The following PNLDC1 variants were observed in gnomAD, a reference collection of about 807,000 sequenced individuals.
The protein encoded by PNLDC1 is PARN like ribonuclease domain containing exonuclease 1.
A neutral mutation model predicts 82.0 loss-of-function variants in PNLDC1; 70 were observed. The ratio of observed to expected loss-of-function variants is 0.85; its 90% CI spans 0.70 to 1.04. The LOEUF (loss-of-function observed/expected upper bound fraction) is 1.04, where lower values mean the gene tolerates loss of function less well. Ranked by LOEUF, PNLDC1 falls within the 50% of genes least tolerant of loss-of-function variation. The pLI, the probability that PNLDC1 is intolerant of heterozygous loss-of-function variation, is 0.00. For synonymous variants in PNLDC1, 280 were observed against 249.3 expected, an observed-to-expected ratio of 1.12 and a Z score of -1.16; for missense variants, 631 against 661.1, an observed-to-expected ratio of 0.95 and a Z score of 0.50.
intron 12 of PNLDC1, among the ~76,000 whole-genome samples, chr6:159,814,835 A>G (rs1781761958): frequency 6.6e-6 from 1 of 152,174 alleles, no homozygotes; most frequent in Admixed American, 6.5e-5. Context: ...TGAGGATTAA[A>G]TGAGTTTGTA....
rs1781565043 is a variant in PNLDC1, at chr6:159,809,277, T to C, written c.783+119T>C. 2.5e-5 allele frequency: 33 copies of C among 1,337,084 alleles called. No individual in the cohort carries two copies. The South Asian group carries it at 4.3e-4, about 17-fold the overall frequency. The allele number at this position is 1,337,084 out of a possible 1,614,324, so 82.8% of individuals were successfully genotyped here. On this transcript the variant is annotated intron_variant, in intron 9 of 18. Coordinates refer to ENST00000392167, the MANE Select transcript of PNLDC1 (RefSeq NM_001271862.2). ...CTTTGAGATAAGTGATTCCTTCTCA[T>C]GAATTTTTTCATGTTTTACTTTCAG...
intron 11 of PNLDC1, among the ~76,000 whole-genome samples, chr6:159,812,048 C>T (rs1000375524): frequency 1.3e-5 from 2 of 152,020 alleles, no homozygotes; most frequent in African/African-American, 4.8e-5. Flanking sequence ...TACAGGTGCG[C>T]ACCACCATGC....
At chr6:159,800,638 TC>T in intron 1 of PNLDC1, 133 bp from the exon 2 acceptor site, 1 of 1,598,460 alleles carries the variant, frequency 6.3e-7, no homozygotes, top group Non-Finnish European at 8.5e-7. Flanking sequence ...TCCTCCATTT[TC>T]CCTTCCTGAC....
rs372355760 is a variant in PNLDC1 at position 159,817,114 on chromosome 6, T to C, written c.1120T>C (p.Leu374=). 1.7e-5 allele frequency: 27 copies of C among 1,612,156 alleles called. No individual in the cohort carries two copies. The African/African-American group carries it at 3.5e-4, about 21-fold the overall frequency. Residue 374 remains leucine, a synonymous_variant, in exon 15 of 19, where the codon TTG becomes CTG. Transcript: ENST00000392167. The stretch of plus-strand genomic sequence containing the variant: ...CTGTCTTTTTTCCTTCCTAGTTCTT[T>C]TGAAAGTGGCACACTTGCTTCTACA... ...YDAFLCGSVL[L]KVAHLLLQKI... is the part of the protein sequence containing the mutation.
chr6:159,801,948 C>T (rs913068975), intron 3 of PNLDC1, among the ~76,000 whole-genome samples: 1 of 151,556 alleles, frequency 6.6e-6, no homozygotes, highest in Non-Finnish European at 1.5e-5. Context: ...AGTGCAGTAG[C>T]GCGATGTGGG....
chr6:159,800,418 G>C (rs753481351), intron 1 of PNLDC1, 35 bp downstream of exon 1: 3 of 1,539,780 alleles, frequency 1.9e-6, no homozygotes, highest in South Asian at 1.2e-5. Context: ...GTGCCGGACA[G>C]AGCCCCTTGC....
At chr6:159,813,678 G>A (rs1367828206) in intron 12 of PNLDC1, 22 bp downstream of exon 12, 1 of 1,611,476 alleles carries the variant, frequency 6.2e-7, no homozygotes, top group Non-Finnish European at 8.5e-7. Flanking sequence ...GATTCCTGGA[G>A]CTACTGCTGG....
intron 10 of PNLDC1, 88 bp downstream of exon 10, chr6:159,810,183 T>C (rs73026894): frequency 0.024 from 29,626 of 1,240,450 alleles, 431 homozygotes; most frequent in Middle Eastern, 0.03. Flanking sequence ...CTGAGGCAGC[T>C]CCTAAAATGC....
intron 13 of PNLDC1, 149 bp from the exon 14 acceptor site, chr6:159,816,394 C>T (rs944731993): frequency 1.3e-6 from 1 of 758,808 alleles, no homozygotes; most frequent in Non-Finnish European, 2.4e-6. Context: ...TGGGGAGGAC[C>T]AAGGTGAAGT....
intron 16 of PNLDC1, 146 bp downstream of exon 16, chr6:159,818,800 C>T (rs1342137536): frequency 6.7e-6 from 8 of 1,200,748 alleles, no homozygotes; most frequent in Non-Finnish European, 9.4e-6. Flanking sequence ...CATGTTTCTC[C>T]ACTAAAGCCA....
chr6:159,813,686 T>C, intron 12 of PNLDC1, 30 bp downstream of exon 12: 1 of 1,607,648 alleles, frequency 6.2e-7, no homozygotes, highest in Non-Finnish European at 8.5e-7. Context: ...GAGCTACTGC[T>C]GGAGCGGCCT....
At chr6:159,808,374 TAA>T (rs1187030766) in intron 7 of PNLDC1, among the ~76,000 whole-genome samples, 3 of 152,238 alleles carry the variant, frequency 2.0e-5, no homozygotes, top group African/African-American at 4.8e-5. Context: ...TTATTTTTTA[TAA>T]GTGTTATTTT....
At chr6:159,809,204 A>G (rs756802458) in intron 9 of PNLDC1, 46 bp downstream of exon 9, 1 of 1,596,992 alleles carries the variant, frequency 6.3e-7, no homozygotes, top group Non-Finnish European at 8.5e-7. Context: ...AGTCTTTAGT[A>G]TTTCTGGTCA....
At chr6:159,818,819 T>C in intron 16 of PNLDC1, 127 bp from the exon 17 acceptor site, 1 of 1,239,486 alleles carries the variant, frequency 8.1e-7, no homozygotes, top group Non-Finnish European at 1.1e-6. Flanking sequence ...CAACATGGAC[T>C]CATCCTTCCT....
intron 3 of PNLDC1, 35 bp from the exon 4 acceptor site, chr6:159,803,236 C>T (rs1295990650): frequency 6.8e-6 from 11 of 1,611,528 alleles, no homozygotes; most frequent in Non-Finnish European, 9.3e-6. Flanking sequence ...GTTGCTTTTC[C>T]TTGGCATTCA....
chr6:159,800,106 G>A, upstream of PNLDC1: 1 of 525,292 alleles, frequency 1.9e-6, no homozygotes, highest in Non-Finnish European at 3.4e-6. Flanking sequence ...TCAAACCTCT[G>A]TAGCAAATCG....
rs566559997 is a variant in PNLDC1 at position 159,811,819 on chromosome 6, G to C, written c.939+33G>C. 2.8e-5 allele frequency: 42 copies of C among 1,479,786 alleles called. No homozygotes were observed. In the Middle Eastern group the frequency reaches 6.9e-4, roughly 24 times the overall value. 91.7% of individuals were successfully genotyped at this position (1,479,786 alleles called of 1,614,324 possible). A position where few individuals can be genotyped will look rare whatever the true frequency, so the allele number is the denominator to read the frequency against. ...ATAGAACTGCTTTGGGTTAAGAACT[G>C]CTTTTTCCATACCAGTAACACTTAG... On this transcript the variant is annotated intron_variant, in intron 11 of 18. Transcript: ENST00000392167.
chr6:159,803,152 G>C (rs958243791), intron 3 of PNLDC1, 119 bp from the exon 4 acceptor site: 36 of 800,752 alleles, frequency 4.5e-5, no homozygotes, highest in African/African-American at 2.8e-4. Flanking sequence ...ATGTTATCCT[G>C]TTGTACAGCC....
intron 3 of PNLDC1, among the ~76,000 whole-genome samples, chr6:159,802,007 C>T (rs910005655): frequency 1.3e-5 from 2 of 152,058 alleles, no homozygotes; most frequent in African/African-American, 4.8e-5. Flanking sequence ...CCTGCCTCAG[C>T]CTCCAGAGCA....
Sources: gnomAD v4.1 joint callset for allele counts (sites outside exome capture counted in the v4.1 genomes callset) on GRCh38, gnomAD v4.1.1 for gene constraint, MANE v1.5 for transcripts, NCBI Gene and HGNC (gene_info 2026-07-23, HGNC 2026-07-21) for gene names.